CD101: variants seen among roughly 807,000 people sequenced by gnomAD.
CD101 encodes the protein immunoglobulin superfamily member 2.
CD101 carries 76 observed loss-of-function variants against 98.2 expected under a neutral mutation model. The observed-to-expected ratio is 0.77, with a 90% CI of 0.64 to 0.94. The LOEUF (loss-of-function observed/expected upper bound fraction) is 0.94, where lower values mean the gene tolerates loss of function less well. CD101 is among the 40% of genes least tolerant of loss of function. CD101 has a pLI of 0.00. For missense variants in CD101, 1,145 were observed against 1,218.8 expected (o/e 0.94, Z 0.90); for synonymous variants, 471 against 472.7 (o/e 1.00, Z 0.05).
At chr1:117,028,656 G>A (rs1654119737) in intron 8 of CD101, among the ~76,000 whole-genome samples, 1 of 152,168 alleles carries the variant, frequency 6.6e-6, no homozygotes, top group Non-Finnish European at 1.5e-5. Context: ...GGAGAGCTGG[G>A]AAGGGAATCA....
At chr1:117,007,040 A>G (rs560162604) in intron 1 of CD101, among the ~76,000 whole-genome samples, 4 of 152,346 alleles carry the variant, frequency 2.6e-5, no homozygotes, top group South Asian at 2.1e-4. Context: ...CATTGTTTGT[A>G]GAAACATGCC....
chr1:117,030,454 AAAAG>A (rs1364797461), intron 8 of CD101, among the ~76,000 whole-genome samples: 6 of 151,646 alleles, frequency 4.0e-5, no homozygotes, highest in Non-Finnish European at 7.4e-5. Flanking sequence ...AGAAAGAAAG[AAAAG>A]AAAGAAAAAA....
chr1:117,019,023 A>T lies in CD101; in HGVS notation c.2017+463A>T, dbSNP rs896261506. On this transcript the variant is annotated intron_variant, in intron 6 of 9. Transcript: ENST00000682167. This position sits in a 1 kb window ranked among gnomAD's most constrained non-coding sequence, Gnocchi z 4.3. The stretch of plus-strand genomic sequence containing the variant: ...CTACTTCTTTGTAAGGTGTTAATGT[A>T]TAAGAGTCAGAGAATTTATTATTAC... Among the ~76,000 whole-genome samples the T allele has an allele frequency of 6.6e-6, 1 of 152,234 alleles. No individual in the cohort carries two copies. Among genetic ancestry groups the T allele is most frequent in the East Asian group, 1.9e-4 (1 of 5,204 alleles).
chr1:117,036,109 G>C lies in CD101; in HGVS notation c.*34-59G>C, dbSNP rs1654808968. ...GCACAGAGGAGATGTAAGCAGACAG[G>C]GAGGGTCTCCTGGGAAAGCAGACAT... On this transcript the variant is annotated intron_variant, in intron 9 of 9. Coordinates refer to ENST00000682167, the MANE Select transcript of CD101 (RefSeq NM_001256106.3). The surrounding 1 kb of genome is among the most constrained non-coding windows in gnomAD (Gnocchi z 5.0). 6.6e-6 allele frequency: 1 copy of C among 152,168 alleles called. No individual in the cohort carries two copies. The highest frequency in any genetic ancestry group is 6.5e-5 in the Admixed American group (1 of 15,268). The allele number at this position is 152,168 out of a possible 1,614,324, so 9.4% of individuals were successfully genotyped here.
rs1392749578 is a variant in CD101 at position 117,025,698 on chromosome 1, A to G, written c.2618A>G (p.Tyr873Cys). The G allele has an allele frequency of 4.5e-5, 73 of 1,614,038 alleles. No individual in the cohort carries two copies. Among genetic ancestry groups the G allele is most frequent in the Non-Finnish European group, 5.8e-5 (68 of 1,180,030 alleles). The stretch of plus-strand genomic sequence containing the variant: ...TTGCAACATGATGGCTTGCTGGAGT[A>G]TGGGGAAGAGGGGCTCAGGAGGCAC... ...VHLQHDGLLE[Y>C]GEEGLRRHLH... The change falls in exon 8 of 10, where the codon TAT (tyrosine) becomes TGT (cysteine). Residue 873 changes from tyrosine (Y) to cysteine (C), a missense_variant. Transcript: ENST00000682167.
At chr1:117,014,899 T>C (rs1010589190) in intron 4 of CD101, among the ~76,000 whole-genome samples, 4 of 152,230 alleles carry the variant, frequency 2.6e-5, no homozygotes, top group Non-Finnish European at 5.9e-5. Context: ...TCTGACTTTC[T>C]AGAATTAAGG....
intron 9 of CD101, among the ~76,000 whole-genome samples, chr1:117,035,695 A>G (rs1285826054): frequency 6.6e-5 from 10 of 151,670 alleles, no homozygotes; most frequent in South Asian, 4.2e-4. Context: ...GACTACAGGC[A>G]CCCGCCACCA....
chr1:117,001,989 AT>A, intron 1 of CD101, 129 bp downstream of exon 1: 1 of 845,968 alleles, frequency 1.2e-6, no homozygotes, highest in South Asian at 1.7e-5. Context: ...GTTAGCAATA[AT>A]TTTTGACTTA....
rs1263780895 is a variant in CD101, at chr1:117,013,657, T to C, written c.1093T>C (p.Phe365Leu). The change falls in exon 4 of 10, where the codon TTC becomes CTC. Residue 365 changes from phenylalanine (F) to leucine (L), a missense_variant. Physicochemically the swap from Phe to Leu is conservative, Grantham distance 22. Transcript: ENST00000682167. ...CCCCAAGGCTTTCTCTCTCAAGATCTTCTCTCTGGGCCCAGAGGATGAAGG... is the reference window on the plus strand; with the variant it reads ...CCCCAAGGCTTTCTCTCTCAAGATCCTCTCTCTGGGCCCAGAGGATGAAGG... ...LGPKAFSLKI[F>L]SLGPEDEGAY... 5 of 1,613,994 alleles carry C rather than the reference T, an allele frequency of 3.1e-6. No individual in the cohort carries two copies. The highest frequency in any genetic ancestry group is 4.2e-6 in the Non-Finnish European group (5 of 1,180,016).
At position 117,004,886 on chromosome 1, in the gene CD101, C is replaced by G. The variant is rs1312081792; in HGVS notation, c.43+3026C>G. On this transcript the variant is annotated intron_variant, in intron 1 of 9. Transcript: ENST00000682167. The surrounding 1 kb of genome is among the most constrained non-coding windows in gnomAD (Gnocchi z 4.1). ...AACTGGGGCGGGTGGGGGAGGGGGG[C>G]TTATAAACAACAGAAATTTAGTTTT... is the stretch of plus-strand genomic sequence containing the variant. 6.6e-6 allele frequency among the ~76,000 whole-genome samples: 1 copy of G among 151,760 alleles called. No homozygotes were observed. Among genetic ancestry groups the G allele is most frequent in the African/African-American group, 2.4e-5 (1 of 41,296 alleles).
Position 117,018,485 on chromosome 1 carries a change from A to G in CD101, c.1942A>G (p.Asn648Asp). ...YQCEVEVYDR[N>D]SLYNNRPPRA... ...GTGTGAAGTAGAAGTTTATGACAGA[A>G]ATTCCCTATACAACAACCGCCCCCC... Residue 648 changes from asparagine (N) to aspartate (D), a missense_variant, in exon 6 of 10, where the codon AAT becomes GAT. Transcript: ENST00000682167. The surrounding 1 kb of genome is among the most constrained non-coding windows in gnomAD (Gnocchi z 4.3). The G allele has an allele frequency of 6.2e-7, 1 of 1,614,112 alleles. No homozygotes were observed. The highest frequency in any genetic ancestry group is 8.5e-7 in the Non-Finnish European group (1 of 1,179,972).
intron 9 of CD101, among the ~76,000 whole-genome samples, chr1:117,035,020 G>T (rs1345791122): frequency 6.6e-6 from 1 of 152,164 alleles, no homozygotes; most frequent in Admixed American, 6.5e-5. Context: ...GCAGGGCTGG[G>T]GTTTGGGGCA....
Position 117,035,643 on chromosome 1 carries a change from G to A in CD101, c.*34-525G>A, listed in dbSNP as rs184514980. On this transcript the variant is annotated intron_variant, in intron 9 of 9. Transcript: ENST00000682167. ...GGGCTCACTGCAAGCTCCGCCTCCC[G>A]GGTTCACGCCATCCTCCTGCCTCAG... Among the ~76,000 whole-genome samples the A allele has an allele frequency of 1.8e-3, 265 of 150,980 alleles. 5 individuals are homozygous for A. The highest frequency in any genetic ancestry group is 0.017 in the Admixed American group (257 of 15,106).
At position 117,009,882 on chromosome 1, in the gene CD101, G is replaced by A; in HGVS notation, c.76G>A (p.Val26Ile). Residue 26 changes from valine (V) to isoleucine (I), a missense_variant, in exon 2 of 10, where the codon GTT becomes ATT. Val to Ile is a conservative substitution (Grantham distance 29). Transcript: ENST00000682167. ...CAGCATTGGCCAGAGAGAAGTAACA[G>A]TTCAGAAAGGACCACTGTTTAGAGC... ...KLSIGQREVT[V>I]QKGPLFRAEG... 1 of 1,611,740 alleles carries A rather than the reference G, an allele frequency of 6.2e-7. No homozygotes were observed. Among genetic ancestry groups the A allele is most frequent in the Non-Finnish European group, 8.5e-7 (1 of 1,178,440 alleles).
chr1:117,032,644 G>T lies in CD101; in HGVS notation c.2825-1216G>T, dbSNP rs1356169728. 1.3e-5 allele frequency: 2 copies of T among 152,248 alleles called. 1 individual carries two copies. The highest frequency in any genetic ancestry group is 4.8e-5 in the African/African-American group (2 of 41,470). 9.4% of individuals were successfully genotyped at this position (152,248 alleles called of 1,614,324 possible). ...ATTTTCCAGTAAAAGCACAGCTACA[G>T]TTAGCATTGAATATTTCAGAACAGC... is the stretch of plus-strand genomic sequence containing the variant. On this transcript the variant is annotated intron_variant, in intron 8 of 9. Transcript: ENST00000682167.
In CD101 at chr1:117,025,849, G is replaced by A; in HGVS notation, c.2769G>A (p.Trp923Ter). ...EWQLHGHPSK[W>*]INQASDESQR... Reference sequence around the variant, plus strand: ...AGCTCCATGGACACCCAAGCAAGTGGATTAATCAAGCATCCGATGAGTCAC... The same window carrying A: ...AGCTCCATGGACACCCAAGCAAGTGAATTAATCAAGCATCCGATGAGTCAC... Residue 923 changes from tryptophan to a stop codon, truncating the protein, a stop_gained, in exon 8 of 10, where the codon TGG (tryptophan) becomes TGA (stop). Transcript: ENST00000682167. LOFTEE classifies it high-confidence loss of function. The A allele has an allele frequency of 6.2e-7, 1 of 1,614,054 alleles. No homozygotes were observed. Among genetic ancestry groups the A allele is most frequent in the Non-Finnish European group, 8.5e-7 (1 of 1,179,928 alleles).
chr1:117,010,334 T>G lies in CD101; in HGVS notation c.424+104T>G. On this transcript the variant is annotated intron_variant, in intron 2 of 9. Coordinates refer to ENST00000682167, the MANE Select transcript of CD101 (RefSeq NM_001256106.3). The surrounding 1 kb of genome is among the most constrained non-coding windows in gnomAD (Gnocchi z 5.2). The stretch of plus-strand genomic sequence containing the variant: ...ATGGCTTTATATTGTTCCATTTTCT[T>G]TGGGAAAAGAGCCCATGTACCCCTG... The G allele has an allele frequency of 7.6e-7, 1 of 1,309,366 alleles. No individual in the cohort carries two copies. The highest frequency in any genetic ancestry group is 1.5e-5 in the South Asian group (1 of 67,302). 81.1% of individuals were successfully genotyped at this position (1,309,366 alleles called of 1,614,324 possible). A position where few individuals can be genotyped will look rare whatever the true frequency, so the allele number is the denominator to read the frequency against.
rs762108355 is a variant in CD101 at position 117,013,721 on chromosome 1, G to C, written c.1157G>C (p.Arg386Pro). The C allele has an allele frequency of 4.3e-6, 7 of 1,613,864 alleles. No individual in the cohort carries two copies. Among genetic ancestry groups the C allele is most frequent in the Middle Eastern group, 1.7e-4 (1 of 6,018 alleles). Reference protein sequence around the residue: ...RCVVAEVMKTRTGSWQVLQRK... With the variant: ...RCVVAEVMKTPTGSWQVLQRK... ...GTGGTAGCAGAGGTCATGAAAACACGCACAGGTTCCTGGCAGGTGCTTCAG... is the reference window on the plus strand; with the variant it reads ...GTGGTAGCAGAGGTCATGAAAACACCCACAGGTTCCTGGCAGGTGCTTCAG... Residue 386 changes from arginine to proline, a missense_variant, in exon 4 of 10, where the codon CGC becomes CCC. By Grantham distance (103) the Arg-to-Pro change is moderately radical. Transcript: ENST00000682167.
chr1:117,025,608 C>T lies in CD101; in HGVS notation c.2528C>T (p.Ala843Val), dbSNP rs1230968705. The stretch of plus-strand genomic sequence containing the variant: ...AGCCTGGAGAGTGTAGGCAGCTCAG[C>T]CACTCTGTACTCTGTGATGTGGTAC... ...RCSLESVGSS[A>V]TLYSVMWYWN... Residue 843 changes from alanine to valine, a missense_variant, in exon 8 of 10, where the codon GCC (alanine) becomes GTC (valine). Transcript: ENST00000682167. The T allele has an allele frequency of 2.5e-6, 4 of 1,613,978 alleles. No homozygotes were observed. In the South Asian group the frequency reaches 4.4e-5, roughly 18 times the overall value.
Sources: allele counts gnomAD v4.1 joint callset (sites outside exome capture counted in the v4.1 genomes callset), GRCh38; gene constraint gnomAD v4.1.1; non-coding constraint Gnocchi (gnomAD v3.1); transcripts MANE v1.5; gene names NCBI Gene and HGNC (gene_info 2026-07-23, HGNC 2026-07-21).